Variants in MPHOSPH8 observed in about 807,000 individuals in gnomAD.
MPHOSPH8 encodes M-phase phosphoprotein 8.
A neutral mutation model predicts 87.3 loss-of-function variants in MPHOSPH8; 45 were observed. The observed-to-expected ratio is 0.52, with a 90% CI of 0.41 to 0.66. MPHOSPH8 has a LOEUF of 0.66. MPHOSPH8 is among the 30% of genes least tolerant of loss of function. MPHOSPH8 has a pLI of 0.00. For missense variants in MPHOSPH8, 883 were observed against 1,020.2 expected, an observed-to-expected ratio of 0.87 and a Z score of 1.83; for synonymous variants, 366 against 376.9, an observed-to-expected ratio of 0.97 and a Z score of 0.33.
At chr13:19,664,494 G>T (rs11617652) in intron 9 of MPHOSPH8, among the ~76,000 whole-genome samples, 2 of 152,146 alleles carry the variant, frequency 1.3e-5, no homozygotes, top group African/African-American at 4.8e-5. Flanking sequence ...AGCTGAAGAA[G>T]GGTAGAATCG....
At chr13:19,654,870 C>G (rs2137524582) in intron 5 of MPHOSPH8, among the ~76,000 whole-genome samples, 1 of 152,172 alleles carries the variant, frequency 6.6e-6, no homozygotes, top group South Asian at 2.1e-4. Flanking sequence ...ATCGCTTGAA[C>G]CCAGGAGGCA....
chr13:19,666,378 C>G, intron 9 of MPHOSPH8, 47 bp from the exon 10 acceptor site: 1 of 1,554,794 alleles, frequency 6.4e-7, no homozygotes, highest in Non-Finnish European at 8.8e-7. Flanking sequence ...AGCACCCATG[C>G]CACAGTTTAC....
At chr13:19,662,351 C>G (rs932370130) in intron 8 of MPHOSPH8, among the ~76,000 whole-genome samples, 9 of 152,182 alleles carry the variant, frequency 5.9e-5, no homozygotes, top group African/African-American at 2.2e-4. Context: ...CTTCAAACTC[C>G]TGGACTCAAG....
In MPHOSPH8 at chr13:19,668,469, T is replaced by C. The variant is rs1875940169; in HGVS notation, c.2267T>C (p.Leu756Pro). 1.2e-6 allele frequency: 2 copies of C among 1,614,190 alleles called. No individual in the cohort carries two copies. Among genetic ancestry groups the C allele is most frequent in the Non-Finnish European group, 1.7e-6 (2 of 1,180,016 alleles). Residue 756 changes from leucine (L) to proline (P), a missense_variant, in exon 11 of 14, where the codon CTC becomes CCC. Leu to Pro is a moderately conservative substitution (Grantham distance 98). Coordinates refer to ENST00000361479, the MANE Select transcript of MPHOSPH8 (RefSeq NM_017520.4). ...EPVFPIACHR[L>P]CEGPDFSTDF... ...GTTTTTCCAATCGCATGTCATCGACTCTGTGAGGGTCCAGATTTTTCAACA... is the reference window on the plus strand; with the variant it reads ...GTTTTTCCAATCGCATGTCATCGACCCTGTGAGGGTCCAGATTTTTCAACA...
chr13:19,673,160 G>A lies in MPHOSPH8; in HGVS notation c.*1285G>A. ...TTTTGAACACCGACTGGGAAGATGG[G>A]GCTTAGGTAACAGCCAAACCTGGCT... On this transcript the variant is annotated 3_prime_UTR_variant, in exon 14 of 14. Coordinates refer to ENST00000361479, the MANE Select transcript of MPHOSPH8 (RefSeq NM_017520.4). 4.4e-6 allele frequency: 2 copies of A among 450,790 alleles called. No homozygotes were observed. Among genetic ancestry groups the A allele is most frequent in the Admixed American group, 2.4e-5 (1 of 40,832 alleles). The allele number at this position is 450,790 out of a possible 1,614,324, so 27.9% of individuals were successfully genotyped here.
Position 19,646,987 on chromosome 13 carries a change from G to A in MPHOSPH8, c.914G>A (p.Gly305Glu), listed in dbSNP as rs763572619. ...AGAGAGAGAGCAGGGCAGGACATGG[G>A]GCTGGAGCATGGCTTTGAGAAGCCC... ...SARERAGQDM[G>E]LEHGFEKPLD... Residue 305 changes from glycine (G) to glutamate (E), a missense_variant, in exon 3 of 14, where the codon GGG (glycine) becomes GAG (glutamate). By Grantham distance (98) the Gly-to-Glu change is moderately conservative. Around this residue, in one of 3 missense-constraint regions of MPHOSPH8, gnomAD observed 741 missense variants for 841.5 expected, o/e 0.88. Coordinates refer to ENST00000361479, the MANE Select transcript of MPHOSPH8 (RefSeq NM_017520.4). 7 of 1,592,882 alleles carry A rather than the reference G, an allele frequency of 4.4e-6. No individual in the cohort carries two copies. Among genetic ancestry groups the A allele is most frequent in the Non-Finnish European group, 5.1e-6 (6 of 1,174,560 alleles).
chr13:19,666,535 T>C lies in MPHOSPH8; in HGVS notation c.2130T>C (p.Ser710=), dbSNP rs1194247064. 1.2e-6 allele frequency: 2 copies of C among 1,601,916 alleles called. No individual in the cohort carries two copies. The highest frequency in any genetic ancestry group is 2.2e-5 in the East Asian group (1 of 44,552). Residue 710 remains serine (S), a synonymous_variant, in exon 10 of 14, where the codon TCT becomes TCC. Coordinates refer to ENST00000361479, the MANE Select transcript of MPHOSPH8 (RefSeq NM_017520.4). The part of the protein sequence containing the change: ...QNSALHFAKQ[S]NNVLVYDLLK... ...GTGCCCTGCACTTTGCGAAGCAGTCTAACAATGTGCTTGTGTACGACTTGC... is the reference window on the plus strand; with the variant it reads ...GTGCCCTGCACTTTGCGAAGCAGTCCAACAATGTGCTTGTGTACGACTTGC...
rs370042803 is a variant in MPHOSPH8 at position 19,670,732 on chromosome 13, T to G, written c.2457+369T>G. 12 of 1,172,390 alleles carry G rather than the reference T, an allele frequency of 1.0e-5. No homozygotes were observed. In the African/African-American group the frequency reaches 1.9e-4, roughly 19 times the overall value. 72.6% of individuals were successfully genotyped at this position (1,172,390 alleles called of 1,614,324 possible). A position where few individuals can be genotyped will look rare whatever the true frequency, so the allele number is the denominator to read the frequency against. ...GATATAGACATTTTAACACTTGTAC[T>G]GTATATTGCTGGGGGCATTCTAATC... On this transcript the variant is annotated intron_variant, in intron 12 of 13. Coordinates refer to ENST00000361479, the MANE Select transcript of MPHOSPH8 (RefSeq NM_017520.4).
intron 4 of MPHOSPH8, among the ~76,000 whole-genome samples, chr13:19,649,616 G>T (rs1220377651): frequency 6.6e-6 from 1 of 152,200 alleles, no homozygotes; most frequent in Non-Finnish European, 1.5e-5. Flanking sequence ...CTTGCCACCA[G>T]AAGCCATTTT....
chr13:19,635,792 G>T (rs1432973022), intron 1 of MPHOSPH8, among the ~76,000 whole-genome samples: 1 of 152,096 alleles, frequency 6.6e-6, no homozygotes, highest in Non-Finnish European at 1.5e-5. Context: ...ATATGGTTTG[G>T]CTGTGTCCCC....
intron 13 of MPHOSPH8, 66 bp from the exon 14 acceptor site, chr13:19,671,768 G>A: frequency 6.6e-7 from 1 of 1,510,744 alleles, no homozygotes; most frequent in Non-Finnish European, 9.1e-7. Context: ...CCATTTGTGG[G>A]TTTTTTCTTG....
chr13:19,659,404 C>T lies in MPHOSPH8; in HGVS notation c.1791+115C>T, dbSNP rs1875383609. The T allele has an allele frequency of 3.5e-6, 3 of 846,374 alleles. No homozygotes were observed. The African/African-American group carries it at 5.2e-5, about 15-fold the overall frequency. 52.4% of individuals were successfully genotyped at this position (846,374 alleles called of 1,614,324 possible). On this transcript the variant is annotated intron_variant, in intron 7 of 13. Coordinates refer to ENST00000361479, the MANE Select transcript of MPHOSPH8 (RefSeq NM_017520.4). ...AAAGGCTGGGCGTGGTGGTGCACAC[C>T]TGTAATCCCAGCACTTTGGGAGGCC...
At chr13:19,634,780 G>A (rs1359919782) in intron 1 of MPHOSPH8, among the ~76,000 whole-genome samples, 1 of 152,140 alleles carries the variant, frequency 6.6e-6, no homozygotes, top group Non-Finnish European at 1.5e-5. Flanking sequence ...TTAATCCAAG[G>A]GGAAGCATGG....
chr13:19,661,669 C>T, intron 7 of MPHOSPH8, 29 bp from the exon 8 acceptor site: 1 of 1,564,032 alleles, frequency 6.4e-7, no homozygotes, highest in Non-Finnish European at 8.7e-7. Context: ...TAAAGATTAA[C>T]ACGTTTTTTA....
chr13:19,645,013 C>G (rs948786703), intron 2 of MPHOSPH8, among the ~76,000 whole-genome samples: 4 of 152,046 alleles, frequency 2.6e-5, no homozygotes, highest in Non-Finnish European at 5.9e-5. Flanking sequence ...CTTCTCTGGC[C>G]TACTTGGTTT....
At chr13:19,639,366 AATG>A (rs1201316624) in intron 1 of MPHOSPH8, among the ~76,000 whole-genome samples, 1 of 151,440 alleles carries the variant, frequency 6.6e-6, no homozygotes, top group African/African-American at 2.4e-5. Flanking sequence ...GCTGGAGTAC[AATG>A]GTGTGATCTC....
At chr13:19,670,157 G>A in intron 11 of MPHOSPH8, 79 bp from the exon 12 acceptor site, 4 of 1,557,204 alleles carry the variant, frequency 2.6e-6, no homozygotes, top group Non-Finnish European at 3.5e-6. Flanking sequence ...TCAGGGGCCT[G>A]CTTCCATCTG....
At chr13:19,664,648 G>A (rs1343677655) in intron 9 of MPHOSPH8, among the ~76,000 whole-genome samples, 6 of 152,182 alleles carry the variant, frequency 3.9e-5, no homozygotes, top group Non-Finnish European at 8.8e-5. Context: ...AGTGGCAGGA[G>A]GGATGGAGTG....
At chr13:19,636,139 A>G (rs963251608) in intron 1 of MPHOSPH8, among the ~76,000 whole-genome samples, 3 of 152,178 alleles carry the variant, frequency 2.0e-5, no homozygotes, top group Non-Finnish European at 2.9e-5. Context: ...TTGAGAACGG[A>G]CTAATACAAA....
Sources: gnomAD v4.1 joint callset for allele counts (sites outside exome capture counted in the v4.1 genomes callset) on GRCh38, gnomAD v4.1.1 for gene constraint, gnomAD v4.1.1 regional missense constraint, MANE v1.5 for transcripts, NCBI Gene and HGNC (gene_info 2026-07-23, HGNC 2026-07-21) for gene names.